CARMIL1: variants seen among roughly 807,000 people sequenced by gnomAD.
CARMIL1 encodes the protein capping protein regulator and myosin 1 linker 1, also known as F-actin-uncapping protein LRRC16A.
In CARMIL1, 90 loss-of-function variants were observed where a neutral mutation model predicts 177.1. The ratio of observed to expected loss-of-function variants is 0.51; its 90% CI spans 0.43 to 0.61. CARMIL1 has a LOEUF of 0.61. Among genes scored for constraint, CARMIL1 ranks in the 20% least tolerant of loss-of-function variants. The pLI is 0.00. For missense variants in CARMIL1, 1,380 were observed against 1,667.0 expected (o/e 0.83, Z 3.00); for synonymous variants, 577 against 606.2 (o/e 0.95, Z 0.71).
intron 2 of CARMIL1, among the ~76,000 whole-genome samples, chr6:25,323,879 A>T (rs902645703): frequency 2.6e-5 from 4 of 152,206 alleles, no homozygotes; most frequent in African/African-American, 9.7e-5. Flanking sequence ...ATCAAATTAT[A>T]AGAGATTAAA....
intron 15 of CARMIL1, among the ~76,000 whole-genome samples, chr6:25,494,158 G>T (rs1288955978): frequency 6.6e-6 from 1 of 150,812 alleles, no homozygotes; most frequent in Non-Finnish European, 1.5e-5. Flanking sequence ...AAGTTTTAGG[G>T]TACATGTGCA....
chr6:25,459,236 T>TTCTTTCTTTCTTTCTTTCTTTCTTTC, intron 8 of CARMIL1, among the ~76,000 whole-genome samples: 1 of 96,154 alleles, frequency 1.0e-5, no homozygotes, highest in East Asian at 3.3e-4. Flanking sequence ...CTTTCTTTCT[T>TTCTTTCTTTCTTTCTTTCTTTCTTTC]TCTTTCTTTC....
intron 36 of CARMIL1, among the ~76,000 whole-genome samples, chr6:25,615,500 G>T (rs563689130): frequency 1.3e-5 from 2 of 152,244 alleles, no homozygotes; most frequent in South Asian, 4.1e-4. Flanking sequence ...TTTTCTTGAA[G>T]AAAATAGTTG....
Position 25,377,219 on chromosome 6 carries a change from T to C in CARMIL1, c.139-42895T>C, listed in dbSNP as rs146498272. Reference sequence around the variant, plus strand: ...GGATGAAGAGGAGAAGAAATCACCTTCTCCAAGACCCTTCATGGGCACCAG... The same window carrying C: ...GGATGAAGAGGAGAAGAAATCACCTCCTCCAAGACCCTTCATGGGCACCAG... On this transcript the variant is annotated intron_variant, in intron 2 of 36. Coordinates refer to ENST00000329474, the MANE Select transcript of CARMIL1 (RefSeq NM_017640.6). Among the ~76,000 whole-genome samples, 959 of 152,174 alleles carry C rather than the reference T, an allele frequency of 6.3e-3. 5 individuals carry two copies. Among genetic ancestry groups the C allele is most frequent in the African/African-American group, 0.018 (730 of 41,526 alleles).
At chr6:25,535,134 G>A (rs143863965) in intron 24 of CARMIL1, among the ~76,000 whole-genome samples, 1 of 152,264 alleles carries the variant, frequency 6.6e-6, no homozygotes, top group East Asian at 1.9e-4. Context: ...CAGTAAGGAA[G>A]ACGATAGCTC....
intron 2 of CARMIL1, among the ~76,000 whole-genome samples, chr6:25,377,573 G>T (rs1791114772): frequency 6.6e-6 from 1 of 152,124 alleles, no homozygotes; most frequent in Non-Finnish European, 1.5e-5. Context: ...CCCAGCAGTG[G>T]GTACCAGCAC....
intron 1 of CARMIL1, among the ~76,000 whole-genome samples, chr6:25,282,841 T>G (rs1294519550): frequency 6.6e-6 from 1 of 152,166 alleles, no homozygotes; most frequent in Non-Finnish European, 1.5e-5. Context: ...GTGAATTTCT[T>G]TTATGACATC....
chr6:25,449,411 A>G (rs939722826), intron 5 of CARMIL1, among the ~76,000 whole-genome samples: 4 of 152,154 alleles, frequency 2.6e-5, no homozygotes, highest in Non-Finnish European at 4.4e-5. Flanking sequence ...GGAGCTGCAT[A>G]TGTTCTCTGC....
At chr6:25,281,111 C>T (rs932451073) in intron 1 of CARMIL1, among the ~76,000 whole-genome samples, 6 of 139,844 alleles carry the variant, frequency 4.3e-5, no homozygotes, top group African/African-American at 1.6e-4. Flanking sequence ...AAATTATTCA[C>T]AGACGCACGC....
chr6:25,471,932 T>G (rs1406691582), intron 10 of CARMIL1, among the ~76,000 whole-genome samples: 1 of 152,226 alleles, frequency 6.6e-6, no homozygotes, highest in African/African-American at 2.4e-5. Flanking sequence ...ATCATAGCAC[T>G]TAGTACATTA....
At chr6:25,563,281 C>G in intron 29 of CARMIL1, 1 of 985,420 alleles carries the variant, frequency 1.0e-6, no homozygotes, top group Non-Finnish European at 1.2e-6. Context: ...TCCAAATTAT[C>G]ACTGCTTTCC....
At chr6:25,542,393 A>G (rs753079317) in intron 26 of CARMIL1, among the ~76,000 whole-genome samples, 4 of 152,218 alleles carry the variant, frequency 2.6e-5, no homozygotes, top group Non-Finnish European at 4.4e-5. Flanking sequence ...TTCTGTAAAT[A>G]GGCATTTCCT....
rs545654291 is a variant in CARMIL1, at chr6:25,486,156, G to A, written c.962-2326G>A. Among the ~76,000 whole-genome samples the A allele has an allele frequency of 9.2e-5, 14 of 152,204 alleles. 1 individual carries two copies. In the South Asian group the frequency reaches 2.3e-3, roughly 25 times the overall value. On this transcript the variant is annotated intron_variant, in intron 12 of 36. Transcript: ENST00000329474. ...TCAAAATCACTAGACAGCCAGAATC[G>A]AGAAAGGCATGTAAATGTGTTTAGT...
intron 3 of CARMIL1, among the ~76,000 whole-genome samples, chr6:25,421,408 A>G (rs900717482): frequency 2.6e-5 from 4 of 152,170 alleles, no homozygotes; most frequent in Non-Finnish European, 5.9e-5. Context: ...AAATAGGAGC[A>G]CTTTTACACT....
chr6:25,285,377 T>C (rs2150129185), intron 2 of CARMIL1, among the ~76,000 whole-genome samples: 1 of 152,270 alleles, frequency 6.6e-6, no homozygotes, highest in East Asian at 1.9e-4. Context: ...ACATTGTCAT[T>C]TTACTTAGGG....
At position 25,472,497 on chromosome 6, in the gene CARMIL1, G is replaced by T. The variant is rs923926583; in HGVS notation, c.850G>T (p.Ala284Ser). Residue 284 changes from alanine (A) to serine (S), a missense_variant, in exon 11 of 37, where the codon GCT becomes TCT. By Grantham distance (99) the Ala-to-Ser change is moderately conservative. Coordinates refer to ENST00000329474, the MANE Select transcript of CARMIL1 (RefSeq NM_017640.6). ...CTCAGGACTCCACACAATTAACCTT[G>T]CTGGCAACCCACTGGAGGATAGAGG... Reference protein sequence around the residue: ...PNSGLHTINLAGNPLEDRGVS... With the variant: ...PNSGLHTINLSGNPLEDRGVS... The T allele has an allele frequency of 6.3e-7, 1 of 1,580,046 alleles. No individual in the cohort carries two copies. Among genetic ancestry groups the T allele is most frequent in the Non-Finnish European group, 8.6e-7 (1 of 1,162,126 alleles).
chr6:25,353,019 T>A (rs1456775707), intron 2 of CARMIL1, among the ~76,000 whole-genome samples: 1 of 152,168 alleles, frequency 6.6e-6, no homozygotes, highest in Non-Finnish European at 1.5e-5. Flanking sequence ...CCTGCCGCCC[T>A]GCCTGGATCT....
intron 4 of CARMIL1, among the ~76,000 whole-genome samples, chr6:25,429,419 G>A (rs1342905636): frequency 1.3e-5 from 2 of 152,114 alleles, no homozygotes; most frequent in Non-Finnish European, 2.9e-5. Context: ...CAGCATCAAT[G>A]AAACATCTAA....
intron 2 of CARMIL1, among the ~76,000 whole-genome samples, chr6:25,331,518 A>C (rs1408790375): frequency 6.6e-6 from 1 of 152,194 alleles, no homozygotes; most frequent in Non-Finnish European, 1.5e-5. Context: ...TACAGCTGCC[A>C]GAGTGATTTT....
Sources: allele counts gnomAD v4.1 joint callset (sites outside exome capture counted in the v4.1 genomes callset), GRCh38; gene constraint gnomAD v4.1.1; transcripts MANE v1.5; gene names NCBI Gene and HGNC (gene_info 2026-07-23, HGNC 2026-07-21).